The following PLA2G4A variants were observed in gnomAD, a reference collection of about 807,000 sequenced individuals.
PLA2G4A encodes the protein phospholipase A2 group IVA.
In PLA2G4A, 40 loss-of-function variants were observed where a neutral mutation model predicts 81.9. The observed-to-expected ratio is 0.49, with a 90% CI of 0.38 to 0.64. The LOEUF (loss-of-function observed/expected upper bound fraction) is 0.64. PLA2G4A is among the 30% of genes least tolerant of loss of function. PLA2G4A has a pLI of 0.00. For synonymous variants in PLA2G4A, 302 were observed against 296.9 expected (o/e 1.02, Z -0.18); for missense variants, 715 against 905.1 (o/e 0.79, Z 2.69).
chr1:186,903,433 G>A (rs547086335), intron 5 of PLA2G4A, among the ~76,000 whole-genome samples: 109 of 152,112 alleles, frequency 7.2e-4, no homozygotes, highest in African/African-American at 2.5e-3. Context: ...TTAAAGCAGG[G>A]GTCCCCAACC....
intron 5 of PLA2G4A, among the ~76,000 whole-genome samples, chr1:186,898,019 T>C (rs1359615439): frequency 2.0e-5 from 3 of 152,200 alleles, no homozygotes; most frequent in South Asian, 2.1e-4. Flanking sequence ...TATGTTCCTG[T>C]GTACCCAATG....
intron 15 of PLA2G4A, among the ~76,000 whole-genome samples, chr1:186,975,819 C>T (rs200401578): frequency 6.6e-6 from 1 of 152,186 alleles, no homozygotes; most frequent in East Asian, 1.9e-4. Context: ...ATCCAGCTAG[C>T]AAGTTTTAGG....
At position 186,897,160 on chromosome 1, in the gene PLA2G4A, T is replaced by C. The variant is rs114529275; in HGVS notation, c.378+2949T>C. Reference sequence around the variant, plus strand: ...CAAAATAGTATTAGCAAAAACTCTTTCATAGTTTTGTCATCCAAACGTTAA... The same window carrying C: ...CAAAATAGTATTAGCAAAAACTCTTCCATAGTTTTGTCATCCAAACGTTAA... On this transcript the variant is annotated intron_variant, in intron 5 of 17. Transcript: ENST00000367466. Among the ~76,000 whole-genome samples the C allele has an allele frequency of 4.4e-3, 673 of 152,278 alleles. 3 individuals are homozygous for C. Among genetic ancestry groups the C allele is most frequent in the Non-Finnish European group, 5.8e-3 (392 of 68,022 alleles).
intron 3 of PLA2G4A, among the ~76,000 whole-genome samples, chr1:186,888,506 C>G (rs1468276994): frequency 6.6e-6 from 1 of 152,144 alleles, no homozygotes; most frequent in African/African-American, 2.4e-5. Flanking sequence ...GGCAATTTCC[C>G]CACCTACGAT....
At chr1:186,987,975 TG>T (rs371302792) in intron 17 of PLA2G4A, among the ~76,000 whole-genome samples, 90 of 152,334 alleles carry the variant, frequency 5.9e-4, no homozygotes, top group African/African-American at 2.1e-3. Context: ...TTTACTTTCC[TG>T]GTGGTCTTTT....
intron 1 of PLA2G4A, among the ~76,000 whole-genome samples, chr1:186,840,030 C>CA (rs1341547010): frequency 8.1e-6 from 1 of 123,732 alleles, no homozygotes; most frequent in African/African-American, 3.2e-5. Flanking sequence ...GGCTGAAGCA[C>CA]AGTGGTGCAA....
At position 186,950,648 on chromosome 1, in the gene PLA2G4A, T is replaced by C. The variant is rs1015322687; in HGVS notation, c.1265-9T>C. ...GAAATGCTTCAATTTTTTTGTTTTC[T>C]TTTCACAGAAAATATTACCACAAAG... is the stretch of plus-strand genomic sequence containing the variant. On this transcript the variant is annotated splice_polypyrimidine_tract_variant and intron_variant, in intron 12 of 17. Transcript: ENST00000367466. 6.5e-7 allele frequency: 1 copy of C among 1,538,174 alleles called. No individual in the cohort carries two copies. The highest frequency in any genetic ancestry group is 9.0e-7 in the Non-Finnish European group (1 of 1,111,194).
At chr1:186,838,111 A>G (rs1651853553) in intron 1 of PLA2G4A, among the ~76,000 whole-genome samples, 1 of 152,144 alleles carries the variant, frequency 6.6e-6, no homozygotes, top group Non-Finnish European at 1.5e-5. Context: ...TCCGGTGGGA[A>G]TACAAGTCCA....
intron 14 of PLA2G4A, among the ~76,000 whole-genome samples, chr1:186,962,577 A>G (rs1379553177): frequency 6.6e-6 from 1 of 151,736 alleles, no homozygotes; most frequent in African/African-American, 2.4e-5. Flanking sequence ...GCTGCAGTGC[A>G]GCGGCGCGAT....
At position 186,977,729 on chromosome 1, in the gene PLA2G4A, GC is replaced by G. The variant is rs1309966955; in HGVS notation, c.1904del (p.Pro635GlnfsTer68). 2.5e-6 allele frequency: 4 copies of G among 1,613,760 alleles called. No homozygotes were observed. The African/African-American group carries it at 5.3e-5, about 22-fold the overall frequency. On this transcript the variant is annotated frameshift_variant, in exon 16 of 18. Transcript: ENST00000367466. LOFTEE classifies it high-confidence loss of function. ...KPKNPDMEKD[C>X]PTIIHFVLAN... ...AAGAATCCTGATATGGAGAAAGATTGCCCAACCATCATCCACTTTGTTCTGG... is the reference window on the plus strand; with the variant it reads ...AAGAATCCTGATATGGAGAAAGATTGCCAACCATCATCCACTTTGTTCTGG...
rs770772630 is a variant in PLA2G4A, at chr1:186,939,056, A to G, written c.744A>G (p.Pro248=). The G allele has an allele frequency of 1.2e-6, 2 of 1,611,158 alleles. No homozygotes were observed. Among genetic ancestry groups the G allele is most frequent in the Non-Finnish European group, 1.7e-6 (2 of 1,177,424 alleles). ...ACCCTGATTTTCCAGAGAAAGGGCCAGAGGAGATTAATGAAGAACTAATGA... is the reference window on the plus strand; with the variant it reads ...ACCCTGATTTTCCAGAGAAAGGGCCGGAGGAGATTAATGAAGAACTAATGA... ...YSHPDFPEKG[P]EEINEELMKN... Residue 248 remains proline, a synonymous_variant, in exon 9 of 18, where the codon CCA becomes CCG. Transcript: ENST00000367466.
At position 186,894,143 on chromosome 1, in the gene PLA2G4A, A is replaced by G. The variant is rs2102115111; in HGVS notation, c.310A>G (p.Thr104Ala). The G allele has an allele frequency of 2.0e-6, 3 of 1,525,148 alleles. No individual in the cohort carries two copies. The highest frequency in any genetic ancestry group is 1.1e-5 in the South Asian group (1 of 89,306). The allele number at this position is 1,525,148 out of a possible 1,614,324, so 94.5% of individuals were successfully genotyped here. A position where few individuals can be genotyped will look rare whatever the true frequency, so the allele number is the denominator to read the frequency against. Reference sequence around the variant, plus strand: ...TTATGTCATGGATGAAACTCTAGGGACAGCAACATTTACTGTATCTTCTAT... The same window carrying G: ...TTATGTCATGGATGAAACTCTAGGGGCAGCAACATTTACTGTATCTTCTAT... ...ANYVMDETLG[T>A]ATFTVSSMKV... Residue 104 changes from threonine to alanine, a missense_variant, in exon 5 of 18, where the codon ACA (threonine) becomes GCA (alanine). Transcript: ENST00000367466.
At chr1:186,935,964 G>A (rs1655929365) in intron 8 of PLA2G4A, among the ~76,000 whole-genome samples, 2 of 151,798 alleles carry the variant, frequency 1.3e-5, no homozygotes, top group South Asian at 4.2e-4. Flanking sequence ...TGATAGTTGT[G>A]ATTCATTAAA....
At chr1:186,861,504 A>T (rs10911934) in intron 2 of PLA2G4A, among the ~76,000 whole-genome samples, 128,354 of 152,172 alleles carry the variant, frequency 0.84, 54,307 homozygotes, top group African/African-American at 0.9. Context: ...TTTAAAAAAC[A>T]TTGTCCAGTT....
chr1:186,902,419 A>G (rs1654577123), intron 5 of PLA2G4A, among the ~76,000 whole-genome samples: 1 of 152,040 alleles, frequency 6.6e-6, no homozygotes, highest in Non-Finnish European at 1.5e-5. Flanking sequence ...CTTCAGTTTA[A>G]TCTCTCCCAC....
intron 12 of PLA2G4A, among the ~76,000 whole-genome samples, chr1:186,949,383 G>GAA (rs1487505819): frequency 1.1e-3 from 13 of 11,422 alleles, no homozygotes; most frequent in African/African-American, 9.8e-3. Flanking sequence ...AAGAAAGAAA[G>GAA]AAAGAAAAAA....
chr1:186,846,901 C>T (rs7522183), intron 1 of PLA2G4A, among the ~76,000 whole-genome samples: 127,382 of 151,934 alleles, frequency 0.84, 53,572 homozygotes, highest in African/African-American at 0.9. Context: ...TATTATAGTC[C>T]GCTTCATATC....
chr1:186,862,911 T>C lies in PLA2G4A; in HGVS notation c.34-7524T>C, dbSNP rs549539248. 1.1e-3 allele frequency among the ~76,000 whole-genome samples: 160 copies of C among 152,300 alleles called. 2 individuals are homozygous for C. Among genetic ancestry groups the C allele is most frequent in the Non-Finnish European group, 2.1e-3 (141 of 68,030 alleles). ...AAGAATGTAGATTTCCTCATAAGTATTGAGGTAGGAAAAGGCTGATGTTCA... is the reference window on the plus strand; with the variant it reads ...AAGAATGTAGATTTCCTCATAAGTACTGAGGTAGGAAAAGGCTGATGTTCA... On this transcript the variant is annotated intron_variant, in intron 2 of 17. Coordinates refer to ENST00000367466, the MANE Select transcript of PLA2G4A (RefSeq NM_024420.3).
intron 3 of PLA2G4A, among the ~76,000 whole-genome samples, chr1:186,889,043 G>A (rs191369866): frequency 3.9e-5 from 6 of 152,264 alleles, no homozygotes; most frequent in Non-Finnish European, 8.8e-5. Context: ...GAGCACTGGT[G>A]ATATGGTAGA....
Sources: allele counts gnomAD v4.1 joint callset (sites outside exome capture counted in the v4.1 genomes callset), GRCh38; gene constraint gnomAD v4.1.1; transcripts MANE v1.5; gene names NCBI Gene and HGNC (gene_info 2026-07-23, HGNC 2026-07-21).